The following ZNF568 variants were observed in gnomAD, a reference collection of about 807,000 sequenced individuals.
The protein encoded by ZNF568 is zinc finger protein 568, also known as p53 inhibitor of SCO2 activation.
In ZNF568, 11 loss-of-function variants were observed where a neutral mutation model predicts 18.1. The observed-to-expected ratio is 0.61, with a 90% CI of 0.38 to 1.00. The LOEUF (loss-of-function observed/expected upper bound fraction) is 1.00. Among genes scored for constraint, ZNF568 ranks in the 50% least tolerant of loss-of-function variants. ZNF568 has a pLI of 0.01. For synonymous variants in ZNF568, 213 were observed against 246.6 expected (o/e 0.86, Z 1.28); for missense variants, 639 against 768.2 (o/e 0.83, Z 1.99).
In ZNF568 at chr19:36,951,905, A is replaced by C; in HGVS notation, c.*817A>C. The stretch of plus-strand genomic sequence containing the variant: ...TTGGCCTCCCAAAGTGCTGGGGTTT[A>C]CAGGCTTGAGCCACTGCACCTGGCC... On this transcript the variant is annotated 3_prime_UTR_variant, in exon 7 of 7. Transcript: ENST00000333987. The C allele has an allele frequency of 1.0e-6, 1 of 983,054 alleles. No homozygotes were observed. Among genetic ancestry groups the C allele is most frequent in the Non-Finnish European group, 1.2e-6 (1 of 828,148 alleles). The allele number at this position is 983,054 out of a possible 1,614,324, so 60.9% of individuals were successfully genotyped here.
At chr19:36,937,904 A>G (rs901550957) in intron 6 of ZNF568, among the ~76,000 whole-genome samples, 17 of 152,272 alleles carry the variant, frequency 1.1e-4, no homozygotes, top group African/African-American at 3.6e-4. Flanking sequence ...TATAATACCA[A>G]TATTATACCT....
At chr19:36,928,000 C>A (rs1394850202) in intron 4 of ZNF568, among the ~76,000 whole-genome samples, 1 of 144,020 alleles carries the variant, frequency 6.9e-6, no homozygotes, top group African/African-American at 2.6e-5. Context: ...CTGCAACCTC[C>A]ACCTCCCGGG....
At chr19:36,935,124 T>C (rs1318508288) in intron 4 of ZNF568, among the ~76,000 whole-genome samples, 1 of 152,206 alleles carries the variant, frequency 6.6e-6, no homozygotes. Context: ...ATTTTCTATC[T>C]TGGAGAGTGC....
chr19:36,925,952 T>G (rs1176334712), intron 4 of ZNF568, among the ~76,000 whole-genome samples: 4 of 152,310 alleles, frequency 2.6e-5, no homozygotes, highest in African/African-American at 9.6e-5. Flanking sequence ...TAGGGACGAC[T>G]GTAATTCCTT....
chr19:36,933,916 G>GTTTTTTTTTTTTTTTTTT (rs1243440418), intron 4 of ZNF568, among the ~76,000 whole-genome samples: 10 of 20,712 alleles, frequency 4.8e-4, no homozygotes, highest in East Asian at 6.6e-4. Context: ...TTTTTGTTTT[G>GTTTTTTTTTTTTTTTTTT]TTTTTTTGTT....
At position 36,996,589 on chromosome 19, in the gene ZNF568, C is replaced by G. The variant is rs1261426285; in HGVS notation, c.502C>G (p.Pro168Ala). The change falls in exon 5 of 5, where the codon CCT becomes GCT. Residue 168 changes from proline to alanine, a missense_variant. Pro to Ala is a conservative substitution (Grantham distance 27, BLOSUM62 -1). Transcript: ENST00000433993. ...GAATGCTTTTAGGTACCAGTCATGT[C>G]CTATTCAACATGAAATAATTCATAA... 23 of 1,535,746 alleles carry G rather than the reference C, an allele frequency of 1.5e-5. No individual in the cohort carries two copies. In the Admixed American group the frequency reaches 3.1e-4, roughly 21 times the overall value.
At position 36,925,217 on chromosome 19, in the gene ZNF568, T is replaced by G; in HGVS notation, c.94T>G (p.Ser32Ala). 1 of 1,614,104 alleles carries G rather than the reference T, an allele frequency of 6.2e-7. No individual in the cohort carries two copies. Among genetic ancestry groups the G allele is most frequent in the Non-Finnish European group, 8.5e-7 (1 of 1,179,986 alleles). ...MERKAWCSQE[S>A]ALSEEEEDTT... ...TCCCTCAGCTTGGTGTTCTCAAGAG[T>G]CTGCCCTTTCCGAGGAAGAAGAGGA... is the stretch of plus-strand genomic sequence containing the variant. The change falls in exon 4 of 7, where the codon TCT becomes GCT. Residue 32 changes from serine to alanine, a missense_variant. Coordinates refer to ENST00000333987, the MANE Select transcript of ZNF568 (RefSeq NM_198539.4).
intron 2 of ZNF568, among the ~76,000 whole-genome samples, chr19:36,990,235 C>G (rs1810953264): frequency 6.6e-6 from 1 of 152,174 alleles, no homozygotes; most frequent in Non-Finnish European, 1.5e-5. Flanking sequence ...CTGGATCTTT[C>G]TCCATCAGTT....
Position 36,991,838 on chromosome 19 carries a change from G to A in ZNF568, c.221G>A (p.Trp74Ter). The A allele has an allele frequency of 6.4e-7, 1 of 1,569,396 alleles. No individual in the cohort carries two copies. Among genetic ancestry groups the A allele is most frequent in the Non-Finnish European group, 8.6e-7 (1 of 1,164,162 alleles). Residue 74 changes from tryptophan to a stop codon, truncating the protein, a stop_gained, in exon 4 of 5, where the codon TGG becomes TAG. Coordinates refer to the ZNF568 transcript ENST00000433993. LOFTEE classifies it low-confidence loss of function (END_TRUNC). ...GTTAAGAGGAAGGAGACAAAAGAATGGTGTCCAGGTGAGTGACGATGAACT... is the reference window on the plus strand; with the variant it reads ...GTTAAGAGGAAGGAGACAAAAGAATAGTGTCCAGGTGAGTGACGATGAACT...
downstream of ZNF568, among the ~76,000 whole-genome samples, chr19:36,954,949 G>A (rs956575714): frequency 1.4e-4 from 21 of 151,032 alleles, no homozygotes; most frequent in African/African-American, 4.6e-4. Context: ...GCATGATCTC[G>A]GTTCACTGCA....
intron 4 of ZNF568, among the ~76,000 whole-genome samples, chr19:36,930,324 C>A (rs1441271693): frequency 6.6e-6 from 1 of 151,856 alleles, no homozygotes; most frequent in East Asian, 1.9e-4. Flanking sequence ...ATTCTCCTGC[C>A]TCAGCCTCCC....
At position 36,937,015 on chromosome 19, in the gene ZNF568, T is replaced by C. The variant is rs1365355997; in HGVS notation, c.263-132T>C. 1.4e-5 allele frequency: 19 copies of C among 1,353,058 alleles called. No homozygotes were observed. The South Asian group carries it at 2.5e-4, about 18-fold the overall frequency. 83.8% of individuals were successfully genotyped at this position (1,353,058 alleles called of 1,614,324 possible). On this transcript the variant is annotated intron_variant, in intron 5 of 6. Transcript: ENST00000333987. ...TGCTCCACTCTTCAGTGTTAAAGGC[T>C]GATTACTTTGTGTCATTGTGTAAGT...
chr19:36,929,654 C>A (rs895805254), intron 4 of ZNF568, among the ~76,000 whole-genome samples: 1 of 148,216 alleles, frequency 6.7e-6, no homozygotes. Flanking sequence ...CATTGCACTC[C>A]AGCCTGGGCG....
At chr19:36,979,701 A>C (rs2074315799) in exon 8 of ZNF568, 1 of 152,194 alleles carries the variant, frequency 6.6e-6, no homozygotes, top group Admixed American at 6.5e-5. Flanking sequence ...TCCAGTGAAC[A>C]TTCTTGAACT....
intron 5 of ZNF568, 55 bp from the exon 6 acceptor site, chr19:36,937,092 C>A: frequency 6.4e-7 from 1 of 1,559,282 alleles, no homozygotes; most frequent in South Asian, 1.2e-5. Flanking sequence ...AGCCTAAGAT[C>A]TGAATGGTTG....
chr19:36,946,818 A>G (rs539330746), intron 6 of ZNF568, among the ~76,000 whole-genome samples: 18 of 150,348 alleles, frequency 1.2e-4, no homozygotes, highest in African/African-American at 3.7e-4. Context: ...ACACCCAACT[A>G]ATTTTGTATT....
At position 36,950,924 on chromosome 19, in the gene ZNF568, T is replaced by C. The variant is rs371711692; in HGVS notation, c.1771T>C (p.Cys591Arg). The C allele has an allele frequency of 1.6e-4, 262 of 1,613,648 alleles. No homozygotes were observed. The highest frequency in any genetic ancestry group is 2.1e-4 in the Non-Finnish European group (253 of 1,179,894). ...TGEKPYECNK[C>R]GKAFSQCSLL... ...GGAGAAACCCTATGAATGTAATAAA[T>C]GTGGGAAAGCCTTTTCTCAGTGCTC... Residue 591 changes from cysteine to arginine, a missense_variant, in exon 7 of 7, where the codon TGT becomes CGT. By Grantham distance (180) the Cys-to-Arg change is radical (BLOSUM62 -3). Transcript: ENST00000333987.
At chr19:36,917,934 T>G (rs1489423330) in intron 2 of ZNF568, among the ~76,000 whole-genome samples, 2 of 152,096 alleles carry the variant, frequency 1.3e-5, no homozygotes, top group Non-Finnish European at 2.9e-5. Context: ...TCTTCTAGTT[T>G]TTGTTGTTGT....
rs190804305 is a variant in ZNF568 at position 36,935,939 on chromosome 19, G to A, written c.136-807G>A. The stretch of plus-strand genomic sequence containing the variant: ...GACAATCTGTCCTTTTTTTTGGCCT[G>A]TTTAATCCATTCAGAGTTAATGGTA... On this transcript the variant is annotated intron_variant, in intron 4 of 6. Coordinates refer to ENST00000333987, the MANE Select transcript of ZNF568 (RefSeq NM_198539.4). Among the ~76,000 whole-genome samples the A allele has an allele frequency of 3.9e-3, 599 of 152,022 alleles. 2 individuals carry two copies. The highest frequency in any genetic ancestry group is 6.8e-3 in the Middle Eastern group (2 of 294).
Sources: gnomAD v4.1 joint callset for allele counts (sites outside exome capture counted in the v4.1 genomes callset) on GRCh38, gnomAD v4.1.1 for gene constraint, MANE v1.5 for transcripts, NCBI Gene and HGNC (gene_info 2026-07-23, HGNC 2026-07-21) for gene names.